The following KDM4B variants were observed in gnomAD, a reference collection of about 807,000 sequenced individuals.
KDM4B encodes lysine-specific demethylase 4B.
KDM4B carries 32 observed loss-of-function variants against 125.2 expected under a neutral mutation model. The observed-to-expected ratio is 0.26, with a 90% CI of 0.19 to 0.34. KDM4B has a LOEUF of 0.34. Ranked by LOEUF, KDM4B falls within the 10% of genes least tolerant of loss-of-function variation. The pLI is 1.00. For missense variants in KDM4B, 1,190 were observed against 1,577.7 expected, an observed-to-expected ratio of 0.75 and a Z score of 4.16; for synonymous variants, 721 against 677.9, an observed-to-expected ratio of 1.06 and a Z score of -0.99.
intron 9 of KDM4B, among the ~76,000 whole-genome samples, chr19:5,102,855 G>A (rs890211292): frequency 6.6e-6 from 1 of 152,216 alleles, no homozygotes. Context: ...AGCTCTTCAC[G>A]TCCGGTGCTG....
At chr19:5,107,654 G>T (rs142551749) in intron 9 of KDM4B, among the ~76,000 whole-genome samples, 154 of 152,334 alleles carry the variant, frequency 1.0e-3, no homozygotes, top group African/African-American at 3.4e-3. Context: ...TGGGCACGTG[G>T]CTCCCACAGG....
At position 5,041,174 on chromosome 19, in the gene KDM4B, G is replaced by T; in HGVS notation, c.355G>T (p.Glu119Ter). Residue 119 changes from glutamate to a stop codon, truncating the protein, a stop_gained, in exon 5 of 23, where the codon GAA (glutamate) becomes TAA (stop). Transcript: ENST00000159111. LOFTEE classifies it high-confidence loss of function. The stretch of plus-strand genomic sequence containing the variant: ...GCGGCACCAGGACTTTGATGACCTT[G>T]AACGCAAATACTGGAAGAACCTCAC... ...TPRHQDFDDL[E>*]RKYWKNLTFV... 6.2e-7 allele frequency: 1 copy of T among 1,612,980 alleles called. No individual in the cohort carries two copies. The highest frequency in any genetic ancestry group is 1.1e-5 in the South Asian group (1 of 91,024).
intron 1 of KDM4B, among the ~76,000 whole-genome samples, chr19:5,005,130 G>T (rs1338297388): frequency 6.6e-6 from 1 of 152,240 alleles, no homozygotes; most frequent in Admixed American, 6.5e-5. Context: ...AGATGCGTCT[G>T]TGCAGCCCAC....
chr19:5,131,560 GGGAGGCAGGGAGGAGGGGGGCA>G lies in KDM4B; in HGVS notation c.1785+18_1785+39del. On this transcript the variant is annotated intron_variant, in intron 12 of 22. Transcript: ENST00000159111. ...GAGAGGGGCAGGTGGGGTGGAGCGG[GGGAGGCAGGGAGGAGGGGGGCA>G]GGTGGGGTGGGGCAGGGGAGGAGGG... is the stretch of plus-strand genomic sequence containing the variant. 2 of 856,922 alleles carry G rather than the reference GGGAGGCAGGGAGGAGGGGGGCA, an allele frequency of 2.3e-6. No individual in the cohort carries two copies. The highest frequency in any genetic ancestry group is 1.7e-5 in the South Asian group (1 of 59,342). 53.1% of individuals were successfully genotyped at this position (856,922 alleles called of 1,614,324 possible). A position where few individuals can be genotyped will look rare whatever the true frequency, so the allele number is the denominator to read the frequency against.
chr19:5,035,880 TGC>T lies in KDM4B; in HGVS notation c.141+2864_141+2865del, dbSNP rs149870966. Among the ~76,000 whole-genome samples the T allele has an allele frequency of 5.9e-5, 8 of 136,400 alleles. No individual in the cohort carries two copies. The highest frequency in any genetic ancestry group is 2.8e-4 in the East Asian group (1 of 3,574). The allele number at this position is 136,400 out of a possible 152,430, so 89.5% of individuals were successfully genotyped here. On this transcript the variant is annotated intron_variant, in intron 3 of 22. Coordinates refer to ENST00000159111, the MANE Select transcript of KDM4B (RefSeq NM_015015.3). The surrounding 1 kb of genome is among the most constrained non-coding windows in gnomAD (Gnocchi z 5.3). ...ACGTGTCTCTGTGTGTGTGTGTGTGTGCGCGCGCGCGCGCGCCTGCGCGCACA... is the reference window on the plus strand; with the variant it reads ...ACGTGTCTCTGTGTGTGTGTGTGTGTGCGCGCGCGCGCGCCTGCGCGCACA...
rs1382975234 is a variant in KDM4B, at chr19:5,152,784, G to A, written c.*1273G>A. On this transcript the variant is annotated 3_prime_UTR_variant, in exon 23 of 23. Transcript: ENST00000159111. ...CACCTTAGCTGTCTCCTGCCCCAGGGAGGGATGGAGGAGATAATTTGCTTA... is the reference window on the plus strand; with the variant it reads ...CACCTTAGCTGTCTCCTGCCCCAGGAAGGGATGGAGGAGATAATTTGCTTA... 2 of 152,288 alleles carry A rather than the reference G, an allele frequency of 1.3e-5. No homozygotes were observed. The highest frequency in any genetic ancestry group is 2.4e-5 in the African/African-American group (1 of 41,458). 9.4% of individuals were successfully genotyped at this position (152,288 alleles called of 1,614,324 possible). A position where few individuals can be genotyped will look rare whatever the true frequency, so the allele number is the denominator to read the frequency against.
rs1476398249 is a variant in KDM4B, at chr19:5,152,117, G to GA, written c.*606_*607insA. The GA allele has an allele frequency of 2.0e-5, 3 of 147,336 alleles. No individual in the cohort carries two copies. Among genetic ancestry groups the GA allele is most frequent in the African/African-American group, 7.7e-5 (3 of 39,112 alleles). 9.1% of individuals were successfully genotyped at this position (147,336 alleles called of 1,614,324 possible). ...AATTGGAGGGTGAGCCTCGGGGGGGGGGCAGGACGCCCCGGTTTCGGCACA... is the reference window on the plus strand; with the variant it reads ...AATTGGAGGGTGAGCCTCGGGGGGGGAGGCAGGACGCCCCGGTTTCGGCACA... On this transcript the variant is annotated 3_prime_UTR_variant, in exon 23 of 23. Transcript: ENST00000159111.
intron 21 of KDM4B, among the ~76,000 whole-genome samples, chr19:5,148,960 G>T (rs1245617465): frequency 6.6e-6 from 1 of 152,242 alleles, no homozygotes; most frequent in Non-Finnish European, 1.5e-5. Context: ...TGTCGTCCCA[G>T]GACACGGCCC....
intron 21 of KDM4B, among the ~76,000 whole-genome samples, chr19:5,146,259 G>C (rs2039843765): frequency 6.6e-6 from 1 of 151,444 alleles, no homozygotes; most frequent in Non-Finnish European, 1.5e-5. Flanking sequence ...CGCCGTGCAG[G>C]CCGGCCCCGC....
chr19:5,100,905 A>G (rs1488639386), intron 9 of KDM4B, among the ~76,000 whole-genome samples: 1 of 151,946 alleles, frequency 6.6e-6, no homozygotes, highest in Non-Finnish European at 1.5e-5. Context: ...TTGATTGACG[A>G]TAGGTTTAAA....
intron 9 of KDM4B, among the ~76,000 whole-genome samples, chr19:5,094,113 C>T (rs985618315): frequency 1.3e-5 from 2 of 152,214 alleles, no homozygotes; most frequent in African/African-American, 4.8e-5. Context: ...GTCGCCCTCT[C>T]CTCTGCCCCA....
intron 11 of KDM4B, among the ~76,000 whole-genome samples, chr19:5,125,190 C>G (rs972664369): frequency 4.6e-5 from 7 of 152,214 alleles, no homozygotes; most frequent in Admixed American, 2.6e-4. Context: ...GCCCAGCTTT[C>G]TTTTCATTAA....
At chr19:4,973,151 C>T (rs539296167) in intron 1 of KDM4B, among the ~76,000 whole-genome samples, 2 of 152,282 alleles carry the variant, frequency 1.3e-5, no homozygotes, top group African/African-American at 4.8e-5. Context: ...CAGTAATGTC[C>T]CCAGAGTTGT....
At chr19:4,991,078 G>A (rs944980005) in intron 1 of KDM4B, among the ~76,000 whole-genome samples, 1 of 152,154 alleles carries the variant, frequency 6.6e-6, no homozygotes, top group African/African-American at 2.4e-5. Context: ...AGATTGTGCC[G>A]CTGCACTCCT....
At chr19:5,138,092 C>G (rs774434494) in intron 18 of KDM4B, 22 bp downstream of exon 18, 2 of 1,579,152 alleles carry the variant, frequency 1.3e-6, no homozygotes, top group Non-Finnish European at 1.7e-6. Flanking sequence ...CGGTCGAGGC[C>G]CACCCTGCCC....
intron 6 of KDM4B, among the ~76,000 whole-genome samples, chr19:5,064,185 T>C (rs2037694632): frequency 6.6e-6 from 1 of 152,182 alleles, no homozygotes. Context: ...GGATCTGCCG[T>C]GGCCCTCCTG....
At chr19:5,048,393 C>G (rs902177111) in intron 6 of KDM4B, among the ~76,000 whole-genome samples, 1 of 152,242 alleles carries the variant, frequency 6.6e-6, no homozygotes, top group African/African-American at 2.4e-5. Context: ...CTGCTTGTGA[C>G]TGCGGAACCT....
chr19:5,143,676 G>A lies in KDM4B; in HGVS notation c.2551-291G>A, dbSNP rs117214648. 1.4e-3 allele frequency among the ~76,000 whole-genome samples: 213 copies of A among 152,260 alleles called. 5 individuals carry two copies. The East Asian group carries it at 0.038, about 27-fold the overall frequency. ...AGCAGTCAGTGACACGCAGGGGGACGGGAGAGGACTCCCCGGGGGCTGATC... is the reference window on the plus strand; with the variant it reads ...AGCAGTCAGTGACACGCAGGGGGACAGGAGAGGACTCCCCGGGGGCTGATC... On this transcript the variant is annotated intron_variant, in intron 18 of 22. Coordinates refer to ENST00000159111, the MANE Select transcript of KDM4B (RefSeq NM_015015.3).
At chr19:4,992,707 TC>T (rs2035067778) in intron 1 of KDM4B, among the ~76,000 whole-genome samples, 1 of 152,206 alleles carries the variant, frequency 6.6e-6, no homozygotes, top group Non-Finnish European at 1.5e-5. Context: ...CACCTTGGCC[TC>T]CCAAAGTGCT....
Sources: allele counts gnomAD v4.1 joint callset (sites outside exome capture counted in the v4.1 genomes callset), GRCh38; gene constraint gnomAD v4.1.1; non-coding constraint Gnocchi (gnomAD v3.1); transcripts MANE v1.5; gene names NCBI Gene and HGNC (gene_info 2026-07-23, HGNC 2026-07-21).